MAPKAPK3: variants seen among roughly 807,000 people sequenced by gnomAD.
MAPKAPK3 encodes the protein MAPK activated protein kinase 3.
Under a neutral mutation model 49.2 loss-of-function variants are expected in MAPKAPK3, and 35 were observed. That is an observed-to-expected ratio of 0.71 (90% confidence interval 0.54 to 0.94). The LOEUF (loss-of-function observed/expected upper bound fraction) is 0.94, where lower values mean the gene tolerates loss of function less well. Ranked by LOEUF, MAPKAPK3 falls within the 40% of genes least tolerant of loss-of-function variation. The pLI is 0.00. For missense variants in MAPKAPK3, 398 were observed against 493.1 expected (o/e 0.81, Z 1.83); for synonymous variants, 178 against 188.7 (o/e 0.94, Z 0.46).
chr3:50,646,701 GCAATCTCATCTCTCCC>G, intron 8 of MAPKAPK3, 23 bp from the exon 9 acceptor site: 1 of 1,577,684 alleles, frequency 6.3e-7, no homozygotes, highest in Non-Finnish European at 8.7e-7. Context: ...GGCTGGCTCT[GCAATCTCATCTCTCCC>G]CTCTCTTCCC....
intron 9 of MAPKAPK3, 46 bp downstream of exon 9, chr3:50,646,871 T>C (rs771078488): frequency 6.3e-7 from 1 of 1,587,800 alleles, no homozygotes; most frequent in South Asian, 1.1e-5. Context: ...CCAACAGGAG[T>C]GGGGCTGCCG....
At position 50,637,255 on chromosome 3, in the gene MAPKAPK3, A is replaced by G. The variant is rs532189187; in HGVS notation, c.220-3111A>G. ...GCTCGGAAGCCCAGTGTTTCCTGCC[A>G]GGCCCCAGCCAGGGACCCCCAAGTG... is the stretch of plus-strand genomic sequence containing the variant. On this transcript the variant is annotated intron_variant, in intron 2 of 10. Coordinates refer to ENST00000621469, the MANE Select transcript of MAPKAPK3 (RefSeq NM_001243925.2). 2.0e-3 allele frequency among the ~76,000 whole-genome samples: 302 copies of G among 152,288 alleles called. 3 individuals are homozygous for G. Among genetic ancestry groups the G allele is most frequent in the African/African-American group, 6.6e-3 (276 of 41,544 alleles).
At chr3:50,631,417 A>G (rs2032908616) in intron 2 of MAPKAPK3, among the ~76,000 whole-genome samples, 1 of 152,180 alleles carries the variant, frequency 6.6e-6, no homozygotes, top group Non-Finnish European at 1.5e-5. Flanking sequence ...TGAACTCTGA[A>G]TTCAGGGTCA....
intron 2 of MAPKAPK3, among the ~76,000 whole-genome samples, chr3:50,629,728 G>T (rs991183097): frequency 6.6e-6 from 1 of 152,076 alleles, no homozygotes; most frequent in Non-Finnish European, 1.5e-5. Context: ...TGGGAGCCTC[G>T]CTCAGGTCCC....
chr3:50,633,965 T>C (rs2032973324), intron 2 of MAPKAPK3, among the ~76,000 whole-genome samples: 1 of 152,198 alleles, frequency 6.6e-6, no homozygotes, highest in South Asian at 2.1e-4. Flanking sequence ...GGCCCCCACA[T>C]TCCACCTGGT....
At chr3:50,634,345 C>A (rs1392357415) in intron 2 of MAPKAPK3, among the ~76,000 whole-genome samples, 3 of 152,084 alleles carry the variant, frequency 2.0e-5, no homozygotes, top group Non-Finnish European at 4.4e-5. Flanking sequence ...CTATTGGGCA[C>A]TAGCTGGAGC....
At position 50,617,669 on chromosome 3, in the gene MAPKAPK3, A is replaced by T. The variant is rs368714447; in HGVS notation, c.104A>T (p.Lys35Met). Reference protein sequence around the residue: ...GGAPGGRREPKKYAVTDDYQL... With the variant: ...GGAPGGRREPMKYAVTDDYQL... The stretch of plus-strand genomic sequence containing the variant: ...GCTCCGGGGGGGCGGCGGGAGCCCA[A>T]GAAGTACGCAGTGACCGACGACTAC... The change falls in exon 2 of 11, where the codon AAG (lysine) becomes ATG (methionine). Residue 35 changes from lysine to methionine, a missense_variant. Coordinates refer to ENST00000621469, the MANE Select transcript of MAPKAPK3 (RefSeq NM_001243925.2). The T allele has an allele frequency of 6.2e-6, 10 of 1,612,596 alleles. No homozygotes were observed. In the Admixed American group the frequency reaches 6.7e-5, roughly 11 times the overall value.
At chr3:50,614,401 A>T (rs981650394), upstream of MAPKAPK3, among the ~76,000 whole-genome samples, 1 of 152,110 alleles carries the variant, frequency 6.6e-6, no homozygotes, top group African/African-American at 2.4e-5. Context: ...CAATCACAAG[A>T]TGAATCACAA....
At chr3:50,644,303 C>T (rs2033239943) in intron 5 of MAPKAPK3, 106 bp from the exon 6 acceptor site, 1 of 1,340,396 alleles carries the variant, frequency 7.5e-7, no homozygotes, top group Admixed American at 2.0e-5. Flanking sequence ...GGACCTGGCT[C>T]CTTCTGCACT....
At chr3:50,616,206 G>A (rs2032460767), upstream of MAPKAPK3, among the ~76,000 whole-genome samples, 1 of 152,166 alleles carries the variant, frequency 6.6e-6, no homozygotes, top group African/African-American at 2.4e-5. Context: ...TCCGGATTGG[G>A]GGAGTGATGT....
intron 8 of MAPKAPK3, 31 bp from the exon 9 acceptor site, chr3:50,646,701 GCAATCTCA>G: frequency 6.3e-7 from 1 of 1,577,676 alleles, no homozygotes; most frequent in Non-Finnish European, 8.7e-7. Context: ...GGCTGGCTCT[GCAATCTCA>G]TCTCTCCCCT....
intron 2 of MAPKAPK3, among the ~76,000 whole-genome samples, chr3:50,635,406 CTTTTTTTTTTTTTTTTTT>C (rs386396609): frequency 6.2e-4 from 30 of 48,580 alleles, no homozygotes; most frequent in African/African-American, 2.8e-3. Context: ...TCAATTTAAT[CTTTTTTTTTTTTTTTTTT>C]TTTTTTTTTT....
chr3:50,615,128 T>C (rs1455628993), upstream of MAPKAPK3, among the ~76,000 whole-genome samples: 1 of 152,200 alleles, frequency 6.6e-6, no homozygotes, highest in African/African-American at 2.4e-5. Flanking sequence ...GAATGACATC[T>C]TGCTCAGCCT....
chr3:50,637,523 T>C (rs1379171712), intron 2 of MAPKAPK3, among the ~76,000 whole-genome samples: 2 of 151,340 alleles, frequency 1.3e-5, no homozygotes, highest in African/African-American at 4.9e-5. Context: ...TAGTCCCAGC[T>C]ACTCGGGAGG....
intron 2 of MAPKAPK3, among the ~76,000 whole-genome samples, chr3:50,628,644 C>T (rs752062598): frequency 2.6e-5 from 4 of 152,118 alleles, no homozygotes; most frequent in Non-Finnish European, 5.9e-5. Context: ...TGGCCTCCCC[C>T]GGCCCTCTGT....
chr3:50,646,327 C>T, intron 8 of MAPKAPK3, 63 bp downstream of exon 8: 1 of 1,606,634 alleles, frequency 6.2e-7, no homozygotes, highest in Non-Finnish European at 8.5e-7. Flanking sequence ...TTCTGGGAAA[C>T]ATCACTTTGG....
chr3:50,627,040 T>TG (rs1256711825), intron 2 of MAPKAPK3, among the ~76,000 whole-genome samples: 1 of 151,924 alleles, frequency 6.6e-6, no homozygotes, highest in East Asian at 1.9e-4. Flanking sequence ...AAAAATTAGC[T>TG]GGGTGAGGTG....
upstream of MAPKAPK3, among the ~76,000 whole-genome samples, chr3:50,614,271 C>T (rs1359049716): frequency 3.3e-5 from 5 of 152,128 alleles, no homozygotes; most frequent in Admixed American, 3.3e-4. Flanking sequence ...CCTAGCGGTG[C>T]CCCCTCTCAT....
At chr3:50,641,567 C>T (rs569420842) in intron 3 of MAPKAPK3, 140 bp from the exon 4 acceptor site, 3 of 726,592 alleles carry the variant, frequency 4.1e-6, no homozygotes, top group Admixed American at 2.0e-5. Context: ...CTACAAGGGA[C>T]AGGGAGGCTG....
Sources: gnomAD v4.1 joint callset for allele counts (sites outside exome capture counted in the v4.1 genomes callset) on GRCh38, gnomAD v4.1.1 for gene constraint, MANE v1.5 for transcripts, NCBI Gene and HGNC (gene_info 2026-07-23, HGNC 2026-07-21) for gene names.